The following CHODL variants were observed in gnomAD, a reference collection of about 807,000 sequenced individuals.
The protein encoded by CHODL is chondrolectin, also known as transmembrane protein MT75.
A neutral mutation model predicts 34.5 loss-of-function variants in CHODL; 29 were observed. The observed-to-expected ratio is 0.84, with a 90% confidence interval of 0.63 to 1.15. CHODL has a LOEUF of 1.15. Among genes scored for constraint, CHODL ranks in the 50% most tolerant of loss-of-function variants. CHODL has a pLI of 0.00. For missense variants in CHODL, 332 were observed against 332.5 expected (o/e 1.00, Z 0.01); for synonymous variants, 125 against 116.1 (o/e 1.08, Z -0.49).
intron 1 of CHODL, among the ~76,000 whole-genome samples, chr21:18,249,000 TTATATA>T (rs1180225262): frequency 1.8e-5 from 2 of 110,406 alleles, no homozygotes; most frequent in East Asian, 2.3e-4. Flanking sequence ...ATATATGTAT[TTATATA>T]TAATATATAT....
chr21:17,959,560 A>C (rs1023157349), intron 1 of CHODL, among the ~76,000 whole-genome samples: 3 of 152,212 alleles, frequency 2.0e-5, no homozygotes, highest in Non-Finnish European at 4.4e-5. Context: ...AGTAAATAAA[A>C]AAGGAAACGG....
intron 1 of CHODL, among the ~76,000 whole-genome samples, chr21:17,975,124 A>C (rs982629820): frequency 7.7e-4 from 117 of 152,218 alleles, no homozygotes; most frequent in African/African-American, 2.7e-3. Context: ...TCAGGAGTTC[A>C]AGACGAGCCT....
intron 1 of CHODL, among the ~76,000 whole-genome samples, chr21:17,951,340 T>C (rs1273761251): frequency 3.3e-5 from 5 of 152,220 alleles, no homozygotes; most frequent in Non-Finnish European, 5.9e-5. Flanking sequence ...TCTGTTCAAC[T>C]GTGTCTTTAA....
intron 2 of CHODL, among the ~76,000 whole-genome samples, chr21:18,146,826 T>C (rs978336656): frequency 1.4e-4 from 21 of 152,352 alleles, no homozygotes; most frequent in Middle Eastern, 3.4e-3. Flanking sequence ...CCACTCTTTT[T>C]TATTTAGCCC....
At chr21:18,166,223 C>T (rs1171991195) in intron 2 of CHODL, among the ~76,000 whole-genome samples, 2 of 152,158 alleles carry the variant, frequency 1.3e-5, no homozygotes, top group African/African-American at 4.8e-5. Flanking sequence ...GCCTATAGCT[C>T]CTTGCCACAT....
intron 1 of CHODL, among the ~76,000 whole-genome samples, chr21:17,989,831 A>G (rs138776988): frequency 0.022 from 3,331 of 152,286 alleles, 82 homozygotes; most frequent in Middle Eastern, 0.054. Context: ...TCGTTGATTG[A>G]ATGTCCCATT....
chr21:18,053,298 T>C (rs1389221435), intron 2 of CHODL, among the ~76,000 whole-genome samples: 2 of 152,002 alleles, frequency 1.3e-5, no homozygotes, highest in Non-Finnish European at 2.9e-5. Flanking sequence ...ATAGGATCTT[T>C]ACATCATTGT....
intron 2 of CHODL, among the ~76,000 whole-genome samples, chr21:18,159,739 C>G (rs1207719551): frequency 1.3e-5 from 2 of 152,160 alleles, no homozygotes; most frequent in Non-Finnish European, 2.9e-5. Context: ...TGGGCCAAAT[C>G]TAACCATGTG....
intron 2 of CHODL, among the ~76,000 whole-genome samples, chr21:18,144,779 G>C (rs1262522755): frequency 6.6e-6 from 1 of 151,206 alleles, no homozygotes; most frequent in Non-Finnish European, 1.5e-5. Flanking sequence ...TGGTATCATT[G>C]AATTCAGGAG....
chr21:18,060,620 CA>C (rs146247918), intron 2 of CHODL, among the ~76,000 whole-genome samples: 8,876 of 148,006 alleles, frequency 0.06, 785 homozygotes, highest in African/African-American at 0.2. Context: ...TAGGAATATA[CA>C]TTAATCAAAA....
intron 1 of CHODL, among the ~76,000 whole-genome samples, chr21:17,999,075 G>A (rs1042653454): frequency 4.6e-5 from 7 of 152,124 alleles, no homozygotes; most frequent in Non-Finnish European, 1.0e-4. Context: ...ACCTTTGAAT[G>A]TTTTGCTGCT....
chr21:17,945,284 A>G (rs1285325802), intron 1 of CHODL, among the ~76,000 whole-genome samples: 1 of 152,070 alleles, frequency 6.6e-6, no homozygotes, highest in Non-Finnish European at 1.5e-5. Context: ...TGACTAAAAA[A>G]AATTTAGAAT....
At position 18,251,498 on chromosome 21, in the gene CHODL, A is replaced by ATATTTATTT. The variant is rs2074241570; in HGVS notation, c.80-5008_80-5000dup. Among the ~76,000 whole-genome samples, 18 of 47,250 alleles carry ATATTTATTT rather than the reference A, an allele frequency of 3.8e-4. 2 individuals are homozygous for ATATTTATTT. The highest frequency in any genetic ancestry group is 1.2e-3 in the African/African-American group (18 of 14,810). 31.0% of individuals were successfully genotyped at this position (47,250 alleles called of 152,430 possible). A position where few individuals can be genotyped will look rare whatever the true frequency, so the allele number is the denominator to read the frequency against. On this transcript the variant is annotated intron_variant, in intron 1 of 5. Transcript: ENST00000299295. ...TTATTTATTTTAATATATAAAATAA[A>ATATTTATTT]TATTTATTTTAATATATAAAATATT...
At chr21:17,942,643 T>C (rs1309643358) in intron 1 of CHODL, among the ~76,000 whole-genome samples, 1 of 152,224 alleles carries the variant, frequency 6.6e-6, no homozygotes, top group Non-Finnish European at 1.5e-5. Flanking sequence ...AATTTAAAAC[T>C]TAAAGATACC....
chr21:18,234,221 C>T (rs1194600744), intron 2 of CHODL, among the ~76,000 whole-genome samples: 1 of 152,102 alleles, frequency 6.6e-6, no homozygotes, highest in East Asian at 1.9e-4. Flanking sequence ...CCTCTGTGAG[C>T]GGAAGTGATG....
At chr21:18,033,823 A>T (rs2146443394) in intron 2 of CHODL, among the ~76,000 whole-genome samples, 1 of 152,172 alleles carries the variant, frequency 6.6e-6, no homozygotes, top group African/African-American at 2.4e-5. Context: ...GAGAATCAAG[A>T]CGCTCACACA....
intron 2 of CHODL, among the ~76,000 whole-genome samples, chr21:18,088,999 C>T (rs2065040537): frequency 6.6e-6 from 1 of 152,216 alleles, no homozygotes; most frequent in South Asian, 2.1e-4. Context: ...CATCCCATCT[C>T]ATGTGCATTC....
chr21:18,141,348 C>A (rs1000781211), intron 2 of CHODL, among the ~76,000 whole-genome samples: 1 of 151,554 alleles, frequency 6.6e-6, no homozygotes, highest in African/African-American at 2.4e-5. Flanking sequence ...ATTAGGAAGA[C>A]CATTTTCATA....
At chr21:18,232,546 C>T (rs2073989634) in intron 2 of CHODL, among the ~76,000 whole-genome samples, 2 of 147,830 alleles carry the variant, frequency 1.4e-5, no homozygotes, top group African/African-American at 5.2e-5. Context: ...ACCTAATCAT[C>T]TTCCAAAGTC....
Sources: gnomAD v4.1 joint callset for allele counts (sites outside exome capture counted in the v4.1 genomes callset) on GRCh38, gnomAD v4.1.1 for gene constraint, MANE v1.5 for transcripts, NCBI Gene and HGNC (gene_info 2026-07-23, HGNC 2026-07-21) for gene names.